SPAG17: variants seen among roughly 807,000 people sequenced by gnomAD.
The protein encoded by SPAG17 is sperm associated antigen 17, also known as sperm-associated antigen 17.
A neutral mutation model predicts 273.6 loss-of-function variants in SPAG17; 169 were observed. The ratio of observed to expected loss-of-function variants is 0.62; its 90% CI spans 0.55 to 0.70. The LOEUF (loss-of-function observed/expected upper bound fraction) is 0.70. Ranked by LOEUF, SPAG17 falls within the 30% of genes least tolerant of loss-of-function variation. The pLI is 0.00. For synonymous variants in SPAG17, 825 were observed against 873.2 expected (o/e 0.94, Z 0.97); for missense variants, 2,557 against 2,627.8 (o/e 0.97, Z 0.59).
intron 1 of SPAG17, among the ~76,000 whole-genome samples, chr1:118,177,578 A>C (rs141355226): frequency 2.6e-5 from 4 of 152,204 alleles, no homozygotes; most frequent in Non-Finnish European, 5.9e-5. Flanking sequence ...AATAAAGATC[A>C]GAGAAGAAAT....
Position 118,091,979 on chromosome 1 carries a change from A to C in SPAG17, c.1197T>G (p.Ala399=). 6.2e-7 allele frequency: 1 copy of C among 1,613,604 alleles called. No homozygotes were observed. Among genetic ancestry groups the C allele is most frequent in the Non-Finnish European group, 8.5e-7 (1 of 1,179,602 alleles). ...CATACTGTGCTTTCTTCTTTCCAGG[A>C]GCTGGTACAGCAGGTTGTGGAGCCT... ...TSEAPQPAVP[A]PGKKKAQYEE... Residue 399 remains alanine, a synonymous_variant, in exon 9 of 49, where the codon GCT becomes GCG. Coordinates refer to ENST00000336338, the MANE Select transcript of SPAG17 (RefSeq NM_206996.4).
intron 28 of SPAG17, among the ~76,000 whole-genome samples, chr1:118,017,166 T>C (rs1422099322): frequency 6.6e-6 from 1 of 152,188 alleles, no homozygotes; most frequent in East Asian, 1.9e-4. Flanking sequence ...TATTTATACT[T>C]CTAGAATATT....
intron 20 of SPAG17, among the ~76,000 whole-genome samples, chr1:118,044,428 T>A (rs1359834645): frequency 6.6e-6 from 1 of 151,188 alleles, no homozygotes; most frequent in East Asian, 1.9e-4. Flanking sequence ...GAGGTTGCAG[T>A]GAGCCGAGAT....
At chr1:118,003,447 T>G (rs942895290) in intron 32 of SPAG17, among the ~76,000 whole-genome samples, 2 of 152,128 alleles carry the variant, frequency 1.3e-5, no homozygotes, top group Non-Finnish European at 2.9e-5. Flanking sequence ...TCCCCATCAC[T>G]TTCAGGTCCA....
At chr1:117,975,124 G>T (rs1024415916) in intron 43 of SPAG17, among the ~76,000 whole-genome samples, 1 of 152,112 alleles carries the variant, frequency 6.6e-6, no homozygotes, top group Non-Finnish European at 1.5e-5. Context: ...GGCCTTTATG[G>T]TCATGATCTC....
intron 4 of SPAG17, among the ~76,000 whole-genome samples, chr1:118,113,696 T>A (rs1656903262): frequency 6.6e-6 from 1 of 152,112 alleles, no homozygotes; most frequent in African/African-American, 2.4e-5. Context: ...ATAAAAACTC[T>A]AAGGTTCATG....
chr1:118,113,156 C>A (rs1316710154), intron 4 of SPAG17, among the ~76,000 whole-genome samples: 1 of 151,208 alleles, frequency 6.6e-6, no homozygotes, highest in Non-Finnish European at 1.5e-5. Context: ...CAGAGGTAAG[C>A]AATTAATTAA....
chr1:118,017,101 A>T (rs1438729169), intron 28 of SPAG17, among the ~76,000 whole-genome samples: 2 of 152,218 alleles, frequency 1.3e-5, no homozygotes, highest in African/African-American at 4.8e-5. Flanking sequence ...GGGAAGAACC[A>T]AAGGCAGATA....
intron 48 of SPAG17, chr1:117,954,559 G>T: frequency 6.2e-7 from 1 of 1,610,322 alleles, no homozygotes; most frequent in South Asian, 1.1e-5. Context: ...TTAATGACTT[G>T]ATTTAATAAT....
At chr1:118,083,644 G>A (rs1305651560) in intron 13 of SPAG17, among the ~76,000 whole-genome samples, 4 of 152,100 alleles carry the variant, frequency 2.6e-5, no homozygotes, top group Admixed American at 6.6e-5. Flanking sequence ...AATTAGCTGC[G>A]CATGATGGCG....
chr1:118,097,758 G>A lies in SPAG17; in HGVS notation c.923C>T (p.Pro308Leu). The A allele has an allele frequency of 6.2e-7, 1 of 1,610,902 alleles. No homozygotes were observed. Among genetic ancestry groups the A allele is most frequent in the Middle Eastern group, 1.7e-4 (1 of 6,054 alleles). ...AGCAACATCAAAGAGATTTGTTTCA[G>A]GTTTCTCATTATTCAGGACTGGTTC... ...YLEPVLNNEKPETNLFDVARL... is the reference protein window; with the variant it reads ...YLEPVLNNEKLETNLFDVARL... The change falls in exon 7 of 49, where the codon CCT (proline) becomes CTT (leucine). Residue 308 changes from proline (P) to leucine (L), a missense_variant. Coordinates refer to ENST00000336338, the MANE Select transcript of SPAG17 (RefSeq NM_206996.4).
At chr1:118,170,414 A>C (rs1252788418) in intron 1 of SPAG17, among the ~76,000 whole-genome samples, 1 of 152,128 alleles carries the variant, frequency 6.6e-6, no homozygotes, top group Non-Finnish European at 1.5e-5. Flanking sequence ...TAGGGTTGCT[A>C]GGAAAGCTTG....
At chr1:118,170,943 T>C (rs1282842245) in intron 1 of SPAG17, among the ~76,000 whole-genome samples, 1 of 152,198 alleles carries the variant, frequency 6.6e-6, no homozygotes, top group African/African-American at 2.4e-5. Flanking sequence ...GGATTACAGA[T>C]GGTCACTTTC....
At chr1:117,956,157 G>T (rs1431069066) in intron 48 of SPAG17, among the ~76,000 whole-genome samples, 1 of 151,804 alleles carries the variant, frequency 6.6e-6, no homozygotes, top group Non-Finnish European at 1.5e-5. Flanking sequence ...ACCTCTTTTT[G>T]CTCTTAAGTA....
chr1:117,955,217 A>T, intron 48 of SPAG17: 1 of 997,076 alleles, frequency 1.0e-6, no homozygotes, highest in Non-Finnish European at 1.5e-6. Context: ...TTCTGAAGTA[A>T]GAAGGAGGGG....
chr1:117,969,290 C>T (rs761969608), intron 46 of SPAG17, among the ~76,000 whole-genome samples: 22 of 151,872 alleles, frequency 1.4e-4, no homozygotes, highest in South Asian at 4.2e-4. Flanking sequence ...TTAATAAATA[C>T]GATTTCTTGG....
chr1:117,987,724 G>A, intron 40 of SPAG17, 110 bp downstream of exon 40: 3 of 1,056,598 alleles, frequency 2.8e-6, no homozygotes, highest in Non-Finnish European at 4.3e-6. Context: ...TGTTGCAGAA[G>A]AGAATCAAAT....
intron 47 of SPAG17, 124 bp downstream of exon 47, chr1:117,966,481 TAATA>T: frequency 1.0e-6 from 1 of 970,274 alleles, no homozygotes; most frequent in Admixed American, 3.0e-5. Flanking sequence ...CTCTTTGTCT[TAATA>T]AATTTAACTC....
intron 13 of SPAG17, among the ~76,000 whole-genome samples, chr1:118,083,550 A>C (rs10923489): frequency 7.2e-5 from 11 of 151,862 alleles, no homozygotes; most frequent in African/African-American, 2.4e-4. Context: ...ACTTTGGGAA[A>C]CCGAGGTGGG....
Sources: gnomAD v4.1 joint callset for allele counts (sites outside exome capture counted in the v4.1 genomes callset) on GRCh38, gnomAD v4.1.1 for gene constraint, MANE v1.5 for transcripts, NCBI Gene and HGNC (gene_info 2026-07-23, HGNC 2026-07-21) for gene names.